The following EPB41L4A variants were observed in gnomAD, a reference collection of about 807,000 sequenced individuals.
EPB41L4A encodes the protein erythrocyte membrane protein band 4.1 like 4A.
A neutral mutation model predicts 108.6 loss-of-function variants in EPB41L4A; 100 were observed. The ratio of observed to expected loss-of-function variants is 0.92; its 90% confidence interval spans 0.78 to 1.09. The LOEUF is 1.09. Ranked by LOEUF, EPB41L4A falls within the 50% of genes least tolerant of loss-of-function variation. The pLI is 0.00. For synonymous variants in EPB41L4A, 319 were observed against 289.0 expected, an observed-to-expected ratio of 1.10 and a Z score of -1.05; for missense variants, 1,030 against 842.7, an observed-to-expected ratio of 1.22 and a Z score of -2.75.
At chr5:112,271,708 G>C (rs945083712) in intron 4 of EPB41L4A, among the ~76,000 whole-genome samples, 2 of 152,214 alleles carry the variant, frequency 1.3e-5, no homozygotes, top group African/African-American at 2.4e-5. Context: ...AAGTTTAACA[G>C]CTCTCCTGAG....
At chr5:112,381,704 A>T (rs1210672378) in intron 1 of EPB41L4A, among the ~76,000 whole-genome samples, 1 of 152,272 alleles carries the variant, frequency 6.6e-6, no homozygotes, top group East Asian at 1.9e-4. Context: ...CTGCCTTGAC[A>T]CTGCCAACAG....
Position 112,325,777 on chromosome 5 carries a change from G to A in EPB41L4A, c.100-18287C>T, listed in dbSNP as rs186288372. 2.6e-5 allele frequency among the ~76,000 whole-genome samples: 4 copies of A among 152,240 alleles called. No individual in the cohort carries two copies. The East Asian group carries it at 7.7e-4, about 29-fold the overall frequency. The stretch of plus-strand genomic sequence containing the variant: ...GGCTGCTTAACCACTCAGTTTCTCA[G>A]TTTCTTCATTTGTGAGATGGGATAA... On this transcript the variant is annotated intron_variant, in intron 1 of 22. Transcript: ENST00000261486.
In EPB41L4A at chr5:112,262,487, T is replaced by A; in HGVS notation, c.642+7A>T. On this transcript the variant is annotated splice_region_variant and intron_variant, in intron 7 of 22. Transcript: ENST00000261486. ...AAAATATTTTGTGTTAATTAAATGT[T>A]ACTCACATAGACGGGATGGAGGTCA... is the stretch of plus-strand genomic sequence containing the variant. The A allele has an allele frequency of 6.2e-7, 1 of 1,610,008 alleles. No individual in the cohort carries two copies. Among genetic ancestry groups the A allele is most frequent in the Non-Finnish European group, 8.5e-7 (1 of 1,176,960 alleles).
chr5:112,379,009 G>A (rs1561624022), intron 1 of EPB41L4A, among the ~76,000 whole-genome samples: 1 of 152,146 alleles, frequency 6.6e-6, no homozygotes, highest in South Asian at 2.1e-4. Flanking sequence ...CTATGAGCGT[G>A]CAGGGGTGTA....
intron 2 of EPB41L4A, among the ~76,000 whole-genome samples, chr5:112,299,564 C>A (rs1754222512): frequency 6.6e-6 from 1 of 152,168 alleles, no homozygotes; most frequent in African/African-American, 2.4e-5. Flanking sequence ...CCTGTAATCC[C>A]AGCACCAAGG....
At chr5:112,235,812 T>C (rs2150369566) in intron 11 of EPB41L4A, among the ~76,000 whole-genome samples, 1 of 152,312 alleles carries the variant, frequency 6.6e-6, no homozygotes. Context: ...GGAATAAAGA[T>C]GCCAGGGCGC....
At chr5:112,284,724 G>C (rs575381917) in intron 2 of EPB41L4A, among the ~76,000 whole-genome samples, 20 of 152,200 alleles carry the variant, frequency 1.3e-4, no homozygotes, top group Admixed American at 9.8e-4. Context: ...CAGTCCTCTC[G>C]GACTCTGCCC....
intron 11 of EPB41L4A, among the ~76,000 whole-genome samples, chr5:112,235,381 A>G (rs1203471027): frequency 6.6e-6 from 1 of 152,202 alleles, no homozygotes; most frequent in African/African-American, 2.4e-5. Context: ...CCAAGGAATC[A>G]TGTGATTTAG....
rs145623972 is a variant in EPB41L4A at position 112,329,429 on chromosome 5, C to A, written c.100-21939G>T. Among the ~76,000 whole-genome samples the A allele has an allele frequency of 1.1e-3, 161 of 152,294 alleles. 1 individual carries two copies. Among genetic ancestry groups the A allele is most frequent in the Middle Eastern group, 3.4e-3 (1 of 294 alleles). Reference sequence around the variant, plus strand: ...ACACTACTAGCTCTCATTACTAATTCTCTTAATACAAACCCTCCCTATTTA... The same window carrying A: ...ACACTACTAGCTCTCATTACTAATTATCTTAATACAAACCCTCCCTATTTA... On this transcript the variant is annotated intron_variant, in intron 1 of 22. Transcript: ENST00000261486.
intron 1 of EPB41L4A, among the ~76,000 whole-genome samples, chr5:112,411,301 T>G (rs1318465221): frequency 6.6e-6 from 1 of 152,002 alleles, no homozygotes; most frequent in Non-Finnish European, 1.5e-5. Flanking sequence ...GATGCACAAA[T>G]GGAACATGAT....
intron 1 of EPB41L4A, among the ~76,000 whole-genome samples, chr5:112,317,422 T>C (rs899238201): frequency 2.0e-5 from 3 of 152,084 alleles, no homozygotes; most frequent in African/African-American, 7.2e-5. Flanking sequence ...TTGGCTAGAG[T>C]AACACAGAAA....
At chr5:112,223,725 A>G (rs920878328) in intron 12 of EPB41L4A, among the ~76,000 whole-genome samples, 7 of 152,248 alleles carry the variant, frequency 4.6e-5, no homozygotes, top group African/African-American at 1.4e-4. Flanking sequence ...TTGTGTTCAC[A>G]CACAACTCAA....
chr5:112,396,814 T>C (rs1463263602), intron 1 of EPB41L4A, among the ~76,000 whole-genome samples: 2 of 152,188 alleles, frequency 1.3e-5, no homozygotes, highest in African/African-American at 2.4e-5. Context: ...CAGCCTATAC[T>C]CAAGGGCAGG....
chr5:112,219,278 G>A (rs1747872770), intron 12 of EPB41L4A, among the ~76,000 whole-genome samples: 2 of 152,156 alleles, frequency 1.3e-5, no homozygotes, highest in South Asian at 4.1e-4. Context: ...TCTCGTGATA[G>A]TGAGTGAACT....
intron 15 of EPB41L4A, among the ~76,000 whole-genome samples, chr5:112,201,776 A>G (rs1762232968): frequency 6.6e-6 from 1 of 152,160 alleles, no homozygotes; most frequent in African/African-American, 2.4e-5. Flanking sequence ...CCCAAGGAGA[A>G]TGCTGAGTAA....
chr5:112,145,876 C>G (rs964495334), intron 13 of EPB41L4A: 1 of 455,220 alleles, frequency 2.2e-6, no homozygotes, highest in Admixed American at 2.4e-5. Context: ...CATAATTACA[C>G]TTACATCCCA....
intron 2 of EPB41L4A, among the ~76,000 whole-genome samples, chr5:112,283,268 C>G (rs1753077485): frequency 6.6e-6 from 1 of 152,128 alleles, no homozygotes; most frequent in African/African-American, 2.4e-5. Flanking sequence ...CTCATTTGAT[C>G]AAAATGGAAA....
At chr5:112,349,963 A>T (rs1465808515) in intron 1 of EPB41L4A, among the ~76,000 whole-genome samples, 1 of 152,216 alleles carries the variant, frequency 6.6e-6, no homozygotes, top group African/African-American at 2.4e-5. Flanking sequence ...CATAGGGGCG[A>T]AGACGACGAC....
intron 2 of EPB41L4A, among the ~76,000 whole-genome samples, chr5:112,284,157 A>G (rs1443128621): frequency 6.6e-6 from 1 of 152,204 alleles, no homozygotes; most frequent in Admixed American, 6.5e-5. Flanking sequence ...TTCATGGAGA[A>G]CTTCCAGAAA....
Sources: allele counts gnomAD v4.1 joint callset (sites outside exome capture counted in the v4.1 genomes callset), GRCh38; gene constraint gnomAD v4.1.1; transcripts MANE v1.5; gene names NCBI Gene and HGNC (gene_info 2026-07-23, HGNC 2026-07-21).